The following ZEB1 variants were observed in gnomAD, a reference collection of about 807,000 sequenced individuals.
ZEB1 encodes zinc finger E-box binding homeobox 1, also known as zinc finger E-box-binding homeobox 1.
A neutral mutation model predicts 84.9 loss-of-function variants in ZEB1; 21 were observed. The ratio of observed to expected loss-of-function variants is 0.25; its 90% CI spans 0.18 to 0.36. The LOEUF (loss-of-function observed/expected upper bound fraction) is 0.36, where lower values mean the gene tolerates loss of function less well. Ranked by LOEUF, ZEB1 falls within the 10% of genes least tolerant of loss-of-function variation. The pLI is 1.00. For missense variants in ZEB1, 1,104 were observed against 1,330.2 expected (o/e 0.83, Z 2.65); for synonymous variants, 420 against 471.1 (o/e 0.89, Z 1.41).
intron 1 of ZEB1, among the ~76,000 whole-genome samples, chr10:31,386,583 CT>C (rs2048679356): frequency 6.6e-6 from 1 of 152,020 alleles, no homozygotes; most frequent in African/African-American, 2.4e-5. Flanking sequence ...ACCAAAATTC[CT>C]TTCCTCATGG....
chr10:31,484,808 C>G (rs1487011372), intron 2 of ZEB1, among the ~76,000 whole-genome samples: 1 of 151,926 alleles, frequency 6.6e-6, no homozygotes, highest in African/African-American at 2.4e-5. Flanking sequence ...TACTCATTAT[C>G]ACTATTGTAT....
intron 2 of ZEB1, among the ~76,000 whole-genome samples, chr10:31,462,845 A>G (rs1228884882): frequency 6.6e-6 from 1 of 152,164 alleles, no homozygotes; most frequent in African/African-American, 2.4e-5. Context: ...GGCTGTAATA[A>G]TCAGGCAGTG....
chr10:31,417,882 C>T (rs974499294), intron 1 of ZEB1, among the ~76,000 whole-genome samples: 15 of 152,038 alleles, frequency 9.9e-5, no homozygotes, highest in African/African-American at 3.4e-4. Context: ...AGTCTATTCT[C>T]TCAGCCTGCT....
At chr10:31,473,983 G>T (rs1166148619) in intron 2 of ZEB1, among the ~76,000 whole-genome samples, 1 of 152,148 alleles carries the variant, frequency 6.6e-6, no homozygotes, top group East Asian at 1.9e-4. Flanking sequence ...TTAATAAATG[G>T]TTCTGGGAAA....
At chr10:31,387,186 C>G (rs750999350) in intron 1 of ZEB1, 1 of 985,852 alleles carries the variant, frequency 1.0e-6, no homozygotes, top group Non-Finnish European at 1.2e-6. Flanking sequence ...CAAGAAAGAT[C>G]TGCAGATCTT....
At chr10:31,488,857 T>C (rs1467533218) in intron 2 of ZEB1, among the ~76,000 whole-genome samples, 3 of 151,288 alleles carry the variant, frequency 2.0e-5, no homozygotes, top group Non-Finnish European at 4.4e-5. Flanking sequence ...ATTTAAATCC[T>C]TTAAAATTTG....
intron 1 of ZEB1, among the ~76,000 whole-genome samples, chr10:31,408,668 G>T (rs1340020868): frequency 1.4e-5 from 2 of 144,440 alleles, no homozygotes; most frequent in Non-Finnish European, 3.0e-5. Flanking sequence ...TTAATAAATG[G>T]TGCTGGGAAA....
chr10:31,472,036 A>T (rs1162803159), intron 2 of ZEB1, among the ~76,000 whole-genome samples: 1 of 148,968 alleles, frequency 6.7e-6, no homozygotes, highest in Non-Finnish European at 1.5e-5. Flanking sequence ...ACAACATACC[A>T]GAATCTCTGG....
chr10:31,455,299 C>T (rs2061071023), intron 1 of ZEB1, among the ~76,000 whole-genome samples: 1 of 152,150 alleles, frequency 6.6e-6, no homozygotes, highest in Non-Finnish European at 1.5e-5. Context: ...AGACCTAAAA[C>T]CATGAAAACC....
intron 1 of ZEB1, among the ~76,000 whole-genome samples, chr10:31,393,941 G>T (rs1039487577): frequency 6.6e-6 from 1 of 152,046 alleles, no homozygotes; most frequent in African/African-American, 2.4e-5. Context: ...TACCTGCCAC[G>T]TCCTTGTATA....
At position 31,346,367 on chromosome 10, in the gene ZEB1, G is replaced by GCT. The variant is rs1590148631; in HGVS notation, c.58+27075_58+27076insCT. ...AACTAGTAAAAGAATATGAGTTGTT[G>GCT]ATACGTGGAAACTTTAGACCCAAAA... On this transcript the variant is annotated intron_variant, in intron 1 of 8. Coordinates refer to ENST00000424869, the MANE Select transcript of ZEB1 (RefSeq NM_001174096.2). Among the ~76,000 whole-genome samples, 8 of 152,218 alleles carry GCT rather than the reference G, an allele frequency of 5.3e-5. No individual in the cohort carries two copies. The East Asian group carries it at 1.5e-3, about 29-fold the overall frequency.
intron 1 of ZEB1, chr10:31,362,831 G>A (rs770864248): frequency 7.8e-5 from 77 of 983,614 alleles, no homozygotes; most frequent in African/African-American, 4.5e-4. Context: ...CTGCCCTGCC[G>A]TGTCTTCTTT....
At chr10:31,458,611 G>A (rs11819082) in intron 1 of ZEB1, among the ~76,000 whole-genome samples, 2,458 of 151,910 alleles carry the variant, frequency 0.016, 66 homozygotes, top group African/African-American at 0.057. Flanking sequence ...GACCTCCTCA[G>A]ATAATATTTA....
At chr10:31,360,934 G>C (rs1290483316) in intron 1 of ZEB1, 1 of 1,581,556 alleles carries the variant, frequency 6.3e-7, no homozygotes, top group Admixed American at 1.7e-5. Flanking sequence ...TAAATTGCAT[G>C]TCTGGAGGAA....
At chr10:31,322,421 T>C (rs553220246) in intron 1 of ZEB1, among the ~76,000 whole-genome samples, 1 of 152,264 alleles carries the variant, frequency 6.6e-6, no homozygotes, top group South Asian at 2.1e-4. Flanking sequence ...ATGTAAATAA[T>C]GTTTTATTCA....
rs776697635 is a variant in ZEB1 at position 31,520,692 on chromosome 10, G to T, written c.1360G>T (p.Gly454Cys). Reference protein sequence around the residue: ...TINASPIQQGGHSVISAISLP... With the variant: ...TINASPIQQGCHSVISAISLP... ...CAATGCTTCACCCATACAACAAGGT[G>T]GCCATTCTGTTATTTCAGCCATCAG... The change falls in exon 7 of 9, where the codon GGC becomes TGC. Residue 454 changes from glycine to cysteine, a missense_variant. Physicochemically the swap from Gly to Cys is radical, Grantham distance 159. Transcript: ENST00000424869. The surrounding 1 kb of genome is among the most constrained non-coding windows in gnomAD (Gnocchi z 5.1). The T allele has an allele frequency of 1.1e-5, 17 of 1,613,902 alleles. No homozygotes were observed. In the East Asian group the frequency reaches 3.3e-4, roughly 32 times the overall value.
At chr10:31,509,719 T>G (rs2069631256) in intron 4 of ZEB1, among the ~76,000 whole-genome samples, 1 of 152,228 alleles carries the variant, frequency 6.6e-6, no homozygotes, top group African/African-American at 2.4e-5. Context: ...CTGTGGTGGT[T>G]TGTTTTTCTA....
intron 6 of ZEB1, among the ~76,000 whole-genome samples, chr10:31,519,642 G>A (rs909790306): frequency 1.3e-5 from 2 of 152,058 alleles, no homozygotes; most frequent in Admixed American, 6.6e-5. Flanking sequence ...AAAGCCCTAT[G>A]GGTACAGGAA....
At chr10:31,438,954 G>A (rs1422129198) in intron 1 of ZEB1, among the ~76,000 whole-genome samples, 1 of 152,142 alleles carries the variant, frequency 6.6e-6, no homozygotes, top group Non-Finnish European at 1.5e-5. Context: ...TCTAAAGTTT[G>A]CCACTAGCAA....
Sources: allele counts gnomAD v4.1 joint callset (sites outside exome capture counted in the v4.1 genomes callset), GRCh38; gene constraint gnomAD v4.1.1; non-coding constraint Gnocchi (gnomAD v3.1); transcripts MANE v1.5; gene names NCBI Gene and HGNC (gene_info 2026-07-23, HGNC 2026-07-21).